Variants in RANBP2 observed in about 807,000 individuals in gnomAD.
RANBP2 encodes the protein RAN binding protein 2.
Under a neutral mutation model 303.6 loss-of-function variants are expected in RANBP2, and 57 were observed. The observed-to-expected ratio is 0.19, with a 90% CI of 0.15 to 0.23. The LOEUF (loss-of-function observed/expected upper bound fraction) is 0.23, where lower values mean the gene tolerates loss of function less well. RANBP2 is among the 10% of genes least tolerant of loss of function. The probability of loss-of-function intolerance (pLI) is 1.00; values close to 1 mark genes in which losing one functional copy is unlikely to be tolerated. For missense variants in RANBP2, 3,138 were observed against 3,780.8 expected, an observed-to-expected ratio of 0.83 and a Z score of 4.46; for synonymous variants, 1,167 against 1,301.5, an observed-to-expected ratio of 0.90 and a Z score of 2.23.
chr2:108,930,329 GGGGTGCCCTGCGGT>G, the RANBP2 span: 2 of 1,568,606 alleles, frequency 1.3e-6, no homozygotes, highest in Non-Finnish European at 1.8e-6. Flanking sequence ...ACATAGGAAG[GGGGTGCCCTGCGGT>G]GGGGGCTCTG....
chr2:108,917,134 G>A, the RANBP2 span, among the ~76,000 whole-genome samples: 4 of 152,224 alleles, frequency 2.6e-5, no homozygotes, highest in Non-Finnish European at 5.9e-5. Context: ...TCACAGCTCC[G>A]TGGCCGACAG....
the RANBP2 span, among the ~76,000 whole-genome samples, chr2:109,361,559 C>T: frequency 3.1e-4 from 47 of 152,204 alleles, no homozygotes; most frequent in Middle Eastern, 3.4e-3. Flanking sequence ...TTGCAACCTC[C>T]GCCTCCCTGG....
the RANBP2 span, among the ~76,000 whole-genome samples, chr2:109,703,498 G>A: frequency 1.3e-5 from 2 of 152,126 alleles, no homozygotes; most frequent in African/African-American, 2.4e-5. Context: ...GCACTATCTC[G>A]GCTCACTGCA....
At chr2:108,915,053 C>T in the RANBP2 span, among the ~76,000 whole-genome samples, 1 of 152,244 alleles carries the variant, frequency 6.6e-6, no homozygotes, top group Non-Finnish European at 1.5e-5. Context: ...GCTGGGAGTA[C>T]AGGTGTGTGC....
chr2:109,574,617 T>G, the RANBP2 span: 25 of 1,600,216 alleles, frequency 1.6e-5, no homozygotes, highest in Non-Finnish European at 2.0e-5. Flanking sequence ...AGAGATCAAG[T>G]GTCTTCAGAG....
chr2:109,257,196 A>G, the RANBP2 span, among the ~76,000 whole-genome samples: 9,701 of 152,242 alleles, frequency 0.064, 555 homozygotes, highest in East Asian at 0.32. Context: ...TCTCTTGCTC[A>G]TGTGGACATG....
downstream of RANBP2, chr2:108,786,970 G>C (rs558688846): frequency 4.0e-6 from 5 of 1,255,958 alleles, no homozygotes; most frequent in African/African-American, 4.8e-5. Context: ...GGGGCGGCCC[G>C]CTCCGTGCCC....
At chr2:109,134,017 GCTAGTTAC>G in the RANBP2 span, among the ~76,000 whole-genome samples, 1 of 152,168 alleles carries the variant, frequency 6.6e-6, no homozygotes, top group African/African-American at 2.4e-5. Context: ...GTATCTGGAA[GCTAGTTAC>G]CATGTTCTTT....
chr2:108,773,480 CAG>C (rs1340183192), intron 23 of RANBP2, among the ~76,000 whole-genome samples: 1 of 152,074 alleles, frequency 6.6e-6, no homozygotes, highest in Admixed American at 6.6e-5. Context: ...TTGTTCTACA[CAG>C]GGGCTATATG....
chr2:109,125,356 A>T, the RANBP2 span, among the ~76,000 whole-genome samples: 2 of 152,132 alleles, frequency 1.3e-5, no homozygotes, highest in Non-Finnish European at 2.9e-5. Flanking sequence ...TCCAAATCTA[A>T]AAAGAAGTTC....
At chr2:109,384,175 C>T in the RANBP2 span, among the ~76,000 whole-genome samples, 1 of 152,222 alleles carries the variant, frequency 6.6e-6, no homozygotes, top group Non-Finnish European at 1.5e-5. Context: ...CCACGTTCAT[C>T]CAGTCCTTAA....
chr2:108,962,568 G>A, the RANBP2 span, among the ~76,000 whole-genome samples: 12 of 151,222 alleles, frequency 7.9e-5, no homozygotes, highest in Non-Finnish European at 1.5e-4. Context: ...CCAGCTACTC[G>A]GGAGGCTGAG....
the RANBP2 span, chr2:109,543,218 T>C: frequency 6.6e-6 from 1 of 152,632 alleles, no homozygotes; most frequent in Admixed American, 6.5e-5. Flanking sequence ...AAAAGTATTT[T>C]TAATAAAATG....
the RANBP2 span, among the ~76,000 whole-genome samples, chr2:108,819,881 T>C: frequency 3.3e-5 from 5 of 152,224 alleles, no homozygotes; most frequent in Middle Eastern, 6.8e-3. Flanking sequence ...CTTTGTGATA[T>C]ATGATTTAAA....
chr2:109,195,872 G>T, the RANBP2 span, among the ~76,000 whole-genome samples: 2 of 152,126 alleles, frequency 1.3e-5, no homozygotes, highest in Non-Finnish European at 2.9e-5. Flanking sequence ...CGTTTGGAAG[G>T]TCTCTCGAAT....
At chr2:109,650,465 A>G in the RANBP2 span, among the ~76,000 whole-genome samples, 1 of 152,112 alleles carries the variant, frequency 6.6e-6, no homozygotes, top group South Asian at 2.1e-4. Flanking sequence ...ACAGCTGGAG[A>G]TGCTATCTGA....
At chr2:109,564,259 GT>G in the RANBP2 span, 226 of 1,040,176 alleles carry the variant, frequency 2.2e-4, 2 homozygotes, top group East Asian at 4.9e-3. Flanking sequence ...CTATATCATG[GT>G]TTTGGGAGAT....
At chr2:109,436,971 C>T in the RANBP2 span, 6 of 1,613,900 alleles carry the variant, frequency 3.7e-6, no homozygotes, top group South Asian at 5.5e-5. Flanking sequence ...TAACCACAAC[C>T]ATGCACCCAG....
chr2:108,771,912 A>C, intron 21 of RANBP2, 41 bp downstream of exon 21: 1 of 1,611,938 alleles, frequency 6.2e-7, no homozygotes, highest in Middle Eastern at 1.7e-4. Flanking sequence ...GTTCCCGCTA[A>C]TCTTAGTAAA....
Sources: allele counts gnomAD v4.1 joint callset (sites outside exome capture counted in the v4.1 genomes callset), GRCh38; gene constraint gnomAD v4.1.1; transcripts MANE v1.5; gene names NCBI Gene and HGNC (gene_info 2026-07-23, HGNC 2026-07-21).